The following ITGA9 variants were observed in gnomAD, a reference collection of about 807,000 sequenced individuals.
The protein encoded by ITGA9 is integrin subunit alpha 9, also known as integrin alpha-9.
Under a neutral mutation model 127.8 loss-of-function variants are expected in ITGA9, and 56 were observed. The observed-to-expected ratio is 0.44, with a 90% CI of 0.35 to 0.55. ITGA9 has a LOEUF of 0.55. Among genes scored for constraint, ITGA9 ranks in the 20% least tolerant of loss-of-function variants. ITGA9 has a pLI of 0.00. For synonymous variants in ITGA9, 508 were observed against 514.5 expected, an observed-to-expected ratio of 0.99 and a Z score of 0.17; for missense variants, 1,196 against 1,347.1, an observed-to-expected ratio of 0.89 and a Z score of 1.76.
At chr3:37,516,629 TG>T (rs1435170567) in intron 9 of ITGA9, among the ~76,000 whole-genome samples, 1 of 152,216 alleles carries the variant, frequency 6.6e-6, no homozygotes, top group African/African-American at 2.4e-5. Context: ...TCACCTTGAC[TG>T]TTTTCAAGGT....
chr3:37,726,658 A>T (rs1000034479), intron 18 of ITGA9, among the ~76,000 whole-genome samples: 25 of 152,232 alleles, frequency 1.6e-4, no homozygotes, highest in African/African-American at 5.8e-4. Flanking sequence ...CTTTGCCAAG[A>T]CAAGCATCTC....
chr3:37,768,401 A>G (rs1168563545), intron 23 of ITGA9, among the ~76,000 whole-genome samples: 2 of 152,224 alleles, frequency 1.3e-5, no homozygotes, highest in Admixed American at 6.5e-5. Flanking sequence ...ATGTCACCAC[A>G]GCCATTGTAG....
chr3:37,688,926 A>G (rs1274584976), intron 18 of ITGA9, among the ~76,000 whole-genome samples: 1 of 150,422 alleles, frequency 6.6e-6, no homozygotes, highest in Admixed American at 6.6e-5. Flanking sequence ...GTGAGTGGGG[A>G]TGGCTGGCTG....
intron 2 of ITGA9, among the ~76,000 whole-genome samples, chr3:37,471,469 C>T (rs960642675): frequency 7.2e-5 from 11 of 152,082 alleles, no homozygotes; most frequent in African/African-American, 9.7e-5. Context: ...TGGGACCTTT[C>T]GACATGATTA....
chr3:37,656,854 G>A (rs997811282), intron 17 of ITGA9, among the ~76,000 whole-genome samples: 4 of 151,810 alleles, frequency 2.6e-5, no homozygotes, highest in Non-Finnish European at 4.4e-5. Context: ...TTTTTTTTGA[G>A]ATATGTTCCA....
At position 37,513,999 on chromosome 3, in the gene ITGA9, A is replaced by C. The variant is rs139316730; in HGVS notation, c.1035+99A>C. On this transcript the variant is annotated intron_variant, in intron 9 of 27. Transcript: ENST00000264741. The stretch of plus-strand genomic sequence containing the variant: ...CCCCTCTGGGCCGGCACTGGGGGCA[A>C]TGTTACCCAGAGGAGATGAAAATAT... 408 of 1,405,696 alleles carry C rather than the reference A, an allele frequency of 2.9e-4. 1 individual carries two copies. The highest frequency in any genetic ancestry group is 3.9e-4 in the Non-Finnish European group (392 of 993,924). 87.1% of individuals were successfully genotyped at this position (1,405,696 alleles called of 1,614,324 possible). A position where few individuals can be genotyped will look rare whatever the true frequency, so the allele number is the denominator to read the frequency against.
At position 37,806,292 on chromosome 3, in the gene ITGA9, T is replaced by G. The variant is rs1220899602; in HGVS notation, c.3009+2350T>G. 3 of 148,136 alleles carry G rather than the reference T, an allele frequency of 2.0e-5. No individual in the cohort carries two copies. The highest frequency in any genetic ancestry group is 8.0e-5 in the African/African-American group (3 of 37,682). 9.2% of individuals were successfully genotyped at this position (148,136 alleles called of 1,614,324 possible). On this transcript the variant is annotated intron_variant, in intron 27 of 27. Transcript: ENST00000264741. The surrounding 1 kb of genome is among the most constrained non-coding windows in gnomAD (Gnocchi z 4.3). ...GTGCATGAGTGTGTGTGGGTGTGTG[T>G]GTGTGTGCGTGCGCGTGTGTGTGTG... is the stretch of plus-strand genomic sequence containing the variant.
intron 26 of ITGA9, among the ~76,000 whole-genome samples, chr3:37,794,383 G>A (rs187892135): frequency 1.6e-4 from 25 of 152,290 alleles, no homozygotes; most frequent in African/African-American, 3.1e-4. Flanking sequence ...GGGAGGAATC[G>A]CATTCCTGGG....
intron 19 of ITGA9, chr3:37,733,103 A>T: frequency 7.7e-6 from 3 of 390,202 alleles, no homozygotes; most frequent in South Asian, 6.7e-5. Flanking sequence ...TCCTAAAATA[A>T]TTTTTTTTCT....
At chr3:37,579,093 C>A (rs1460916973) in intron 15 of ITGA9, among the ~76,000 whole-genome samples, 1 of 152,148 alleles carries the variant, frequency 6.6e-6, no homozygotes, top group Non-Finnish European at 1.5e-5. Flanking sequence ...GAAATGGCCT[C>A]CCCAGCAGTG....
chr3:37,760,956 T>C (rs1458970745), intron 23 of ITGA9, among the ~76,000 whole-genome samples: 3 of 152,112 alleles, frequency 2.0e-5, no homozygotes, highest in Admixed American at 2.0e-4. Flanking sequence ...GACCAAAAAT[T>C]ATAAAAATGG....
intron 26 of ITGA9, among the ~76,000 whole-genome samples, chr3:37,797,231 C>A (rs1697184487): frequency 6.6e-6 from 1 of 152,038 alleles, no homozygotes; most frequent in African/African-American, 2.4e-5. Context: ...ACTTGGGAGG[C>A]TGAGGTGGGA....
chr3:37,735,980 C>T (rs143230140), intron 19 of ITGA9, among the ~76,000 whole-genome samples: 28 of 152,268 alleles, frequency 1.8e-4, no homozygotes, highest in African/African-American at 6.5e-4. Flanking sequence ...GTCATGGTCC[C>T]GGCAGATTCA....
chr3:37,780,034 G>A lies in ITGA9; in HGVS notation c.2787+13G>A, dbSNP rs772156372. 2 of 1,613,492 alleles carry A rather than the reference G, an allele frequency of 1.2e-6. No individual in the cohort carries two copies. Among genetic ancestry groups the A allele is most frequent in the Admixed American group, 1.7e-5 (1 of 59,992 alleles). ...AATACTGAAAAAGGTAAGCCCTAAT[G>A]AACCGCACTTGTGGATGCATTTAGA... On this transcript the variant is annotated intron_variant, in intron 25 of 27. Transcript: ENST00000264741.
intron 1 of ITGA9, among the ~76,000 whole-genome samples, chr3:37,465,176 A>G (rs775929475): frequency 2.6e-5 from 4 of 152,176 alleles, no homozygotes; most frequent in Non-Finnish European, 4.4e-5. Flanking sequence ...TCTTTGAGAC[A>G]CTGTCAGTTC....
chr3:37,464,116 AGTGTGTGTGTGTGTGT>A lies in ITGA9; in HGVS notation c.186-6870_186-6855del, dbSNP rs10603611. On this transcript the variant is annotated intron_variant, in intron 1 of 27. Coordinates refer to ENST00000264741, the MANE Select transcript of ITGA9 (RefSeq NM_002207.3). ...GGTAGATTTCCTCACAGAAGGTGTG[AGTGTGTGTGTGTGTGT>A]GTGTGTGTGTGTGTGTGTGTAAGGT... 5.8e-4 allele frequency among the ~76,000 whole-genome samples: 84 copies of A among 144,270 alleles called. 1 individual carries two copies. The highest frequency in any genetic ancestry group is 2.0e-3 in the African/African-American group (78 of 39,146). 94.6% of individuals were successfully genotyped at this position (144,270 alleles called of 152,430 possible).
intron 23 of ITGA9, among the ~76,000 whole-genome samples, chr3:37,768,259 G>A (rs888014679): frequency 2.0e-5 from 3 of 152,136 alleles, no homozygotes; most frequent in Non-Finnish European, 2.9e-5. Flanking sequence ...TTTCTAGATG[G>A]ATAATATGAA....
intron 16 of ITGA9, among the ~76,000 whole-genome samples, chr3:37,639,283 G>A (rs182872604): frequency 7.2e-4 from 110 of 152,274 alleles, no homozygotes; most frequent in Admixed American, 1.1e-3. Context: ...GTAAGACCTC[G>A]ATGAAAAAAT....
At chr3:37,638,676 T>C (rs116722829) in intron 16 of ITGA9, among the ~76,000 whole-genome samples, 246 of 152,288 alleles carry the variant, frequency 1.6e-3, no homozygotes, top group African/African-American at 5.6e-3. Context: ...TCCACTACTT[T>C]AAATGCCTTG....
Sources: gnomAD v4.1 joint callset for allele counts (sites outside exome capture counted in the v4.1 genomes callset) on GRCh38, gnomAD v4.1.1 for gene constraint, Gnocchi (gnomAD v3.1) non-coding constraint, MANE v1.5 for transcripts, NCBI Gene and HGNC (gene_info 2026-07-23, HGNC 2026-07-21) for gene names.